The following NWD1 variants were observed in gnomAD, a reference collection of about 807,000 sequenced individuals.
NWD1 encodes NACHT and WD repeat domain containing 1, also known as NACHT domain- and WD repeat-containing protein 1.
A neutral mutation model predicts 135.1 loss-of-function variants in NWD1; 129 were observed. The observed-to-expected ratio is 0.96, with a 90% CI of 0.83 to 1.11. The LOEUF is 1.11. NWD1 is among the 50% of genes least tolerant of loss of function. The pLI, the probability that NWD1 is intolerant of heterozygous loss-of-function variation, is 0.00. For synonymous variants in NWD1, 773 were observed against 786.0 expected (o/e 0.98, Z 0.28); for missense variants, 1,740 against 1,851.3 (o/e 0.94, Z 1.10).
At chr19:16,804,170 C>G (rs755556770) in intron 17 of NWD1, among the ~76,000 whole-genome samples, 8 of 152,190 alleles carry the variant, frequency 5.3e-5, no homozygotes, top group Middle Eastern at 3.4e-3. Flanking sequence ...AGAATGCAGG[C>G]TCAGCTAAAG....
rs778757672 is a variant in NWD1, at chr19:16,807,985, C to T, written c.4136C>T (p.Ser1379Phe). Reference sequence around the variant, plus strand: ...CTCTTTCTTTACGAGTGTGCAACTTCCAAAGCGTTTCCCTTGGAGACCCAC... The same window carrying T: ...CTCTTTCTTTACGAGTGTGCAACTTTCAAAGCGTTTCCCTTGGAGACCCAC... ...GDLFLYECATSKAFPLETHRS... is the reference protein window; with the variant it reads ...GDLFLYECATFKAFPLETHRS... The change falls in exon 18 of 19, where the codon TCC becomes TTC. Residue 1379 changes from serine to phenylalanine, a missense_variant. Coordinates refer to ENST00000524140, the MANE Select transcript of NWD1 (RefSeq NM_001007525.5). 5 of 1,614,018 alleles carry T rather than the reference C, an allele frequency of 3.1e-6. No homozygotes were observed. In the Admixed American group the frequency reaches 6.7e-5, roughly 22 times the overall value.
At chr19:16,785,801 C>CTA (rs146091518) in intron 12 of NWD1, among the ~76,000 whole-genome samples, 7,037 of 147,958 alleles carry the variant, frequency 0.048, 537 homozygotes, top group African/African-American at 0.16. Flanking sequence ...TAAATATATA[C>CTA]TATATATATA....
At chr19:16,760,316 G>A (rs1166461020) in intron 7 of NWD1, among the ~76,000 whole-genome samples, 1 of 150,236 alleles carries the variant, frequency 6.7e-6, no homozygotes, top group Non-Finnish European at 1.5e-5. Flanking sequence ...GCAGTACAGT[G>A]GTTGTCATCA....
chr19:16,804,009 G>T (rs1317944667), intron 17 of NWD1, among the ~76,000 whole-genome samples: 2 of 152,140 alleles, frequency 1.3e-5, no homozygotes, highest in Non-Finnish European at 2.9e-5. Context: ...TTGGCAATCT[G>T]GTTGTTTCCG....
chr19:16,779,502 A>G (rs763086350), intron 12 of NWD1, 37 bp downstream of exon 12: 1 of 1,603,762 alleles, frequency 6.2e-7, no homozygotes, highest in Non-Finnish European at 8.5e-7. Context: ...GTCAGCTTCC[A>G]TAGTGAAAAG....
intron 3 of NWD1, among the ~76,000 whole-genome samples, chr19:16,733,931 A>C (rs28431450): frequency 6.7e-6 from 1 of 149,644 alleles, no homozygotes; most frequent in Non-Finnish European, 1.5e-5. Flanking sequence ...GCCTCTCACC[A>C]CTTGTCTTAA....
At chr19:16,810,947 C>T (rs1420257357) in intron 18 of NWD1, among the ~76,000 whole-genome samples, 1 of 152,108 alleles carries the variant, frequency 6.6e-6, no homozygotes, top group Non-Finnish European at 1.5e-5. Flanking sequence ...TTCACTGTAG[C>T]CTCCGCCTCC....
In NWD1 at chr19:16,797,849, A is replaced by G; in HGVS notation, c.3422A>G (p.Asn1141Ser). 2 of 1,614,112 alleles carry G rather than the reference A, an allele frequency of 1.2e-6. No homozygotes were observed. The highest frequency in any genetic ancestry group is 1.7e-6 in the Non-Finnish European group (2 of 1,179,976). ...VETAVFGTEN[N>S]LIITGSLDAL... is the part of the protein sequence containing the mutation. The stretch of plus-strand genomic sequence containing the variant: ...ACGGCTGTTTTTGGTACTGAGAACA[A>G]CCTGATCATCACGGGGTCCCTTGAT... The change falls in exon 16 of 19, where the codon AAC becomes AGC. Residue 1141 changes from asparagine (N) to serine (S), a missense_variant. Physicochemically the swap from Asn to Ser is conservative, Grantham distance 46. Transcript: ENST00000524140.
intron 3 of NWD1, among the ~76,000 whole-genome samples, chr19:16,731,556 C>T (rs77771742): frequency 0.24 from 36,181 of 150,046 alleles, 5,336 homozygotes; most frequent in Middle Eastern, 0.4. Context: ...CTGCCCGCCT[C>T]GGCCTCCCAA....
Position 16,782,899 on chromosome 19 carries a change from TC to T in NWD1, c.2731+3436del. Reference sequence around the variant, plus strand: ...TTCTTTCTTTCTCTTTCTTTTTCCATCCTTCCTTCCTTCTTTCCTTCCTTTC... The same window carrying T: ...TTCTTTCTTTCTCTTTCTTTTTCCATCTTCCTTCCTTCTTTCCTTCCTTTC... On this transcript the variant is annotated intron_variant, in intron 12 of 18. Coordinates refer to ENST00000524140, the MANE Select transcript of NWD1 (RefSeq NM_001007525.5). Among the ~76,000 whole-genome samples, 2 of 113,686 alleles carry T rather than the reference TC, an allele frequency of 1.8e-5. 1 individual carries two copies. Among genetic ancestry groups the T allele is most frequent in the African/African-American group, 1.4e-4 (2 of 14,490 alleles). 74.6% of individuals were successfully genotyped at this position (113,686 alleles called of 152,430 possible). A position where few individuals can be genotyped will look rare whatever the true frequency, so the allele number is the denominator to read the frequency against.
chr19:16,768,239 G>A (rs902824831), intron 10 of NWD1, among the ~76,000 whole-genome samples: 1 of 151,918 alleles, frequency 6.6e-6, no homozygotes, highest in African/African-American at 2.4e-5. Flanking sequence ...CATGTGATCT[G>A]CCCACCTTGG....
intron 10 of NWD1, among the ~76,000 whole-genome samples, chr19:16,769,324 C>T (rs578006080): frequency 2.6e-5 from 4 of 151,820 alleles, no homozygotes; most frequent in African/African-American, 9.7e-5. Flanking sequence ...TAGCCAGGCA[C>T]GGTAGCACGC....
chr19:16,780,367 A>G (rs1164635780), intron 12 of NWD1, among the ~76,000 whole-genome samples: 1 of 152,096 alleles, frequency 6.6e-6, no homozygotes, highest in African/African-American at 2.4e-5. Context: ...CGTGTTAGCC[A>G]GGATGGTCTC....
Position 16,761,312 on chromosome 19 carries a change from T to C in NWD1, c.1974-667T>C, listed in dbSNP as rs80044616. ...ACGTTTTTGCTGTTGTGAACATGCA[T>C]GTGTAAGGTTTTGTTTGAACACCTG... On this transcript the variant is annotated intron_variant, in intron 7 of 18. Transcript: ENST00000524140. Among the ~76,000 whole-genome samples the C allele has an allele frequency of 7.9e-3, 1,201 of 152,302 alleles. 10 individuals carry two copies. Among genetic ancestry groups the C allele is most frequent in the African/African-American group, 0.027 (1,123 of 41,568 alleles).
chr19:16,751,857 A>G (rs1968594281), intron 6 of NWD1, among the ~76,000 whole-genome samples: 1 of 150,378 alleles, frequency 6.6e-6, no homozygotes, highest in African/African-American at 2.5e-5. Context: ...AAGAAAGAAA[A>G]AAAAAGAAGG....
intron 6 of NWD1, among the ~76,000 whole-genome samples, chr19:16,756,015 GT>G (rs1245194341): frequency 6.6e-6 from 1 of 152,088 alleles, no homozygotes; most frequent in Non-Finnish European, 1.5e-5. Context: ...CGACGAACAT[GT>G]ATTTCATATG....
intron 3 of NWD1, among the ~76,000 whole-genome samples, chr19:16,733,354 C>T (rs1039936146): frequency 3.3e-5 from 5 of 151,868 alleles, no homozygotes; most frequent in African/African-American, 1.2e-4. Context: ...AACCCCCTCT[C>T]TACTAAAAAT....
At chr19:16,726,941 A>C (rs1967353832) in intron 2 of NWD1, among the ~76,000 whole-genome samples, 1 of 151,568 alleles carries the variant, frequency 6.6e-6, no homozygotes, top group Non-Finnish European at 1.5e-5. Context: ...TCCCCAAGTG[A>C]GAACTGCTGG....
At chr19:16,770,116 T>A (rs1969364842) in intron 10 of NWD1, among the ~76,000 whole-genome samples, 1 of 152,204 alleles carries the variant, frequency 6.6e-6, no homozygotes, top group African/African-American at 2.4e-5. Context: ...CCCTGCCAAA[T>A]TTTTACCTTT....
Sources: gnomAD v4.1 joint callset for allele counts (sites outside exome capture counted in the v4.1 genomes callset) on GRCh38, gnomAD v4.1.1 for gene constraint, MANE v1.5 for transcripts, NCBI Gene and HGNC (gene_info 2026-07-23, HGNC 2026-07-21) for gene names.